DCC: variants seen among roughly 807,000 people sequenced by gnomAD.
The protein encoded by DCC is netrin receptor DCC.
A neutral mutation model predicts 172.5 loss-of-function variants in DCC; 58 were observed. That is an observed-to-expected ratio of 0.34 (90% confidence interval 0.27 to 0.42). The LOEUF (loss-of-function observed/expected upper bound fraction) is 0.42. Among genes scored for constraint, DCC ranks in the 10% least tolerant of loss-of-function variants. The probability of loss-of-function intolerance (pLI) is 1.00; values close to 1 mark genes in which losing one functional copy is unlikely to be tolerated. For missense variants in DCC, 1,740 were observed against 1,791.0 expected, an observed-to-expected ratio of 0.97 and a Z score of 0.51; for synonymous variants, 709 against 644.5, an observed-to-expected ratio of 1.10 and a Z score of -1.52.
intron 5 of DCC, among the ~76,000 whole-genome samples, chr18:53,023,777 T>C (rs2041918306): frequency 6.6e-6 from 1 of 152,128 alleles, no homozygotes; most frequent in East Asian, 1.9e-4. Context: ...TTGAACGCAG[T>C]GCCTCACTTC....
intron 12 of DCC, among the ~76,000 whole-genome samples, chr18:53,221,122 G>A (rs961586773): frequency 6.6e-6 from 1 of 151,670 alleles, no homozygotes; most frequent in South Asian, 2.1e-4. Context: ...TTTTATTGTG[G>A]TGAAACAACT....
At chr18:52,952,737 T>A (rs2040672203) in intron 5 of DCC, among the ~76,000 whole-genome samples, 1 of 152,126 alleles carries the variant, frequency 6.6e-6, no homozygotes, top group Non-Finnish European at 1.5e-5. Flanking sequence ...TGGTTGTTCG[T>A]GCCTATAATC....
chr18:53,142,854 G>T (rs1277243171), intron 7 of DCC, among the ~76,000 whole-genome samples: 1 of 152,064 alleles, frequency 6.6e-6, no homozygotes, highest in Non-Finnish European at 1.5e-5. Context: ...GCATTTATTT[G>T]TGATGTCTTC....
At position 52,456,062 on chromosome 18, in the gene DCC, C is replaced by T. The variant is rs528387024; in HGVS notation, c.91+115184C>T. Among the ~76,000 whole-genome samples, 15 of 152,272 alleles carry T rather than the reference C, an allele frequency of 9.9e-5. No homozygotes were observed. The South Asian group carries it at 3.1e-3, about 32-fold the overall frequency. On this transcript the variant is annotated intron_variant, in intron 1 of 28. Coordinates refer to ENST00000442544, the MANE Select transcript of DCC (RefSeq NM_005215.4). Reference sequence around the variant, plus strand: ...AAGCCAGAATATCCTGTAGCATGTGCTGCATCGTATCAAGGTATGAAAGAC... The same window carrying T: ...AAGCCAGAATATCCTGTAGCATGTGTTGCATCGTATCAAGGTATGAAAGAC...
intron 5 of DCC, among the ~76,000 whole-genome samples, chr18:52,942,369 C>T (rs1307365171): frequency 3.3e-5 from 5 of 151,982 alleles, no homozygotes; most frequent in Admixed American, 6.6e-5. Flanking sequence ...ATTTCCAATG[C>T]CTTTTGTTTT....
intron 15 of DCC, among the ~76,000 whole-genome samples, chr18:53,364,074 T>G (rs1443467931): frequency 6.6e-6 from 1 of 152,190 alleles, no homozygotes; most frequent in Non-Finnish European, 1.5e-5. Context: ...TCAATCAATA[T>G]GTATCAAGTG....
chr18:53,197,535 A>G (rs867035310), intron 9 of DCC, among the ~76,000 whole-genome samples: 38 of 151,178 alleles, frequency 2.5e-4, no homozygotes, highest in Non-Finnish European at 5.0e-4. Flanking sequence ...ATGTTCAACT[A>G]CATATTCCCT....
At chr18:52,845,515 C>T (rs920491021) in intron 2 of DCC, among the ~76,000 whole-genome samples, 3 of 152,058 alleles carry the variant, frequency 2.0e-5, no homozygotes, top group African/African-American at 7.2e-5. Context: ...GGAAAAAGAC[C>T]ATGAAAACCT....
chr18:52,434,658 C>A (rs1384620828), intron 1 of DCC, among the ~76,000 whole-genome samples: 1 of 151,368 alleles, frequency 6.6e-6, no homozygotes, highest in Non-Finnish European at 1.5e-5. Context: ...AACCAGAGAC[C>A]CTTTGGAAAT....
chr18:53,258,613 A>G (rs932387830), intron 12 of DCC, among the ~76,000 whole-genome samples: 1 of 152,056 alleles, frequency 6.6e-6, no homozygotes, highest in Non-Finnish European at 1.5e-5. Context: ...ACATTTGCTG[A>G]GGAGTTCTTT....
At chr18:52,808,609 G>A (rs562438873) in intron 2 of DCC, among the ~76,000 whole-genome samples, 7 of 152,200 alleles carry the variant, frequency 4.6e-5, no homozygotes, top group Admixed American at 2.6e-4. Context: ...GGATAATGAT[G>A]GAGAACACTG....
intron 1 of DCC, among the ~76,000 whole-genome samples, chr18:52,477,667 ACC>A (rs2144575010): frequency 6.6e-6 from 1 of 151,966 alleles, no homozygotes; most frequent in South Asian, 2.1e-4. Flanking sequence ...CATCTCACAA[ACC>A]CTCTTCCAAA....
intron 1 of DCC, among the ~76,000 whole-genome samples, chr18:52,655,988 A>G (rs9950638): frequency 0.048 from 5,611 of 116,898 alleles, 143 homozygotes; most frequent in Non-Finnish European, 0.06. Flanking sequence ...GTGTGTGTGT[A>G]TATATATATG....
At chr18:52,463,843 G>A (rs934297979) in intron 1 of DCC, among the ~76,000 whole-genome samples, 3 of 152,154 alleles carry the variant, frequency 2.0e-5, no homozygotes, top group South Asian at 2.1e-4. Flanking sequence ...AGATATATAC[G>A]TTGATCACCT....
At chr18:53,320,652 T>A (rs2057400620) in intron 13 of DCC, among the ~76,000 whole-genome samples, 1 of 152,220 alleles carries the variant, frequency 6.6e-6, no homozygotes, top group African/African-American at 2.4e-5. Flanking sequence ...GAAGCATCTC[T>A]TTGCCATCTT....
intron 1 of DCC, among the ~76,000 whole-genome samples, chr18:52,714,760 C>T (rs906275196): frequency 3.9e-5 from 6 of 152,070 alleles, no homozygotes; most frequent in Non-Finnish European, 5.9e-5. Flanking sequence ...ACTAATATAC[C>T]GATAATTCTA....
chr18:53,304,091 T>C (rs935166914), intron 12 of DCC, among the ~76,000 whole-genome samples: 1 of 152,164 alleles, frequency 6.6e-6, no homozygotes, highest in African/African-American at 2.4e-5. Context: ...ACTGCTCTTC[T>C]GTTCCTCTCC....
intron 12 of DCC, among the ~76,000 whole-genome samples, chr18:53,279,791 G>A (rs1450311527): frequency 6.6e-6 from 1 of 152,040 alleles, no homozygotes; most frequent in Non-Finnish European, 1.5e-5. Flanking sequence ...GCCGCAACAT[G>A]GATGGAGCTG....
chr18:53,293,248 G>A (rs1191887373), intron 12 of DCC, among the ~76,000 whole-genome samples: 1 of 152,080 alleles, frequency 6.6e-6, no homozygotes, highest in Non-Finnish European at 1.5e-5. Context: ...ACACTATTCT[G>A]CCTTTCTCTA....
Sources: allele counts gnomAD v4.1 joint callset (sites outside exome capture counted in the v4.1 genomes callset), GRCh38; gene constraint gnomAD v4.1.1; transcripts MANE v1.5; gene names NCBI Gene and HGNC (gene_info 2026-07-23, HGNC 2026-07-21).